Variants in CLOCK observed in about 807,000 individuals in gnomAD.
CLOCK encodes the protein clock circadian regulator.
A neutral mutation model predicts 118.4 loss-of-function variants in CLOCK; 43 were observed. That is an observed-to-expected ratio of 0.36 (90% confidence interval 0.28 to 0.47). The LOEUF is 0.47. CLOCK is among the 20% of genes least tolerant of loss of function. CLOCK has a pLI of 1.00. For synonymous variants in CLOCK, 326 were observed against 339.2 expected, an observed-to-expected ratio of 0.96 and a Z score of 0.43; for missense variants, 846 against 999.9, an observed-to-expected ratio of 0.85 and a Z score of 2.08.
chr4:55,432,974 G>C lies in CLOCK; in HGVS notation c.*2441C>G, dbSNP rs763726138. 7.2e-5 allele frequency: 11 copies of C among 152,566 alleles called. No individual in the cohort carries two copies. The highest frequency in any genetic ancestry group is 1.3e-4 in the Non-Finnish European group (9 of 68,026). 9.5% of individuals were successfully genotyped at this position (152,566 alleles called of 1,614,324 possible). A position where few individuals can be genotyped will look rare whatever the true frequency, so the allele number is the denominator to read the frequency against. On this transcript the variant is annotated 3_prime_UTR_variant, in exon 23 of 23. Transcript: ENST00000513440. The stretch of plus-strand genomic sequence containing the variant: ...GCTGTCAACCTAAGTAGTACTCACA[G>C]TTCACCATCTTTTAAGTGTGGTATG...
Position 55,482,830 on chromosome 4 carries a change from T to G in CLOCK, c.-43-2A>C. 1.4e-6 allele frequency: 2 copies of G among 1,420,142 alleles called. No homozygotes were observed. Among genetic ancestry groups the G allele is most frequent in the Non-Finnish European group, 2.0e-6 (2 of 1,017,074 alleles). 88.0% of individuals were successfully genotyped at this position (1,420,142 alleles called of 1,614,324 possible). ...TTGTAGTAGACATTTGTACTTCTCC[T>G]TAGGTGAAAAGAAAAATAAATGGTC... On this transcript the variant is annotated splice_acceptor_variant, in intron 3 of 22. Coordinates refer to ENST00000513440, the MANE Select transcript of CLOCK (RefSeq NM_004898.4). LOFTEE classifies it low-confidence loss of function (5UTR_SPLICE).
At chr4:55,498,604 T>TTAC (rs1728238468) in intron 2 of CLOCK, among the ~76,000 whole-genome samples, 1 of 13,182 alleles carries the variant, frequency 7.6e-5, no homozygotes, top group African/African-American at 6.5e-4. Context: ...ATCTAGTTCC[T>TTAC]TATTATTATT....
intron 3 of CLOCK, 64 bp from the exon 4 acceptor site, chr4:55,482,892 C>T: frequency 1.3e-6 from 1 of 747,350 alleles, no homozygotes; most frequent in Non-Finnish European, 2.3e-6. Context: ...ACAAACTTAT[C>T]TTGAGAAATA....
chr4:55,475,426 A>C (rs892452544), intron 7 of CLOCK, among the ~76,000 whole-genome samples: 28 of 152,338 alleles, frequency 1.8e-4, no homozygotes, highest in African/African-American at 6.3e-4. Flanking sequence ...TATTACATAA[A>C]TTTAGTTGAT....
chr4:55,515,528 C>A (rs1488246806), intron 1 of CLOCK, among the ~76,000 whole-genome samples: 1 of 152,118 alleles, frequency 6.6e-6, no homozygotes, highest in South Asian at 2.1e-4. Flanking sequence ...GCGCCTGACA[C>A]CATGCCTGGT....
chr4:55,528,927 C>G (rs992046415), intron 1 of CLOCK, among the ~76,000 whole-genome samples: 4 of 152,176 alleles, frequency 2.6e-5, no homozygotes, highest in Non-Finnish European at 5.9e-5. Context: ...TTGCCCTAAA[C>G]CTAACTTGCC....
chr4:55,525,834 A>G (rs1403449473), intron 1 of CLOCK, among the ~76,000 whole-genome samples: 1 of 150,612 alleles, frequency 6.6e-6, no homozygotes, highest in Non-Finnish European at 1.5e-5. Context: ...AGAAAAAATG[A>G]GTCAAGAAAT....
At chr4:55,486,082 A>G (rs746643385) in intron 3 of CLOCK, among the ~76,000 whole-genome samples, 2 of 152,120 alleles carry the variant, frequency 1.3e-5, no homozygotes, top group Non-Finnish European at 2.9e-5. Context: ...CAATTTCTCA[A>G]TATCATAATT....
At chr4:55,462,571 G>A (rs1017303062) in intron 9 of CLOCK, among the ~76,000 whole-genome samples, 4 of 152,098 alleles carry the variant, frequency 2.6e-5, no homozygotes, top group Non-Finnish European at 5.9e-5. Flanking sequence ...GAGCTACCGG[G>A]CCTGGCTGGC....
chr4:55,543,375 T>C (rs535290434), intron 1 of CLOCK, among the ~76,000 whole-genome samples: 6 of 152,126 alleles, frequency 3.9e-5, no homozygotes, highest in Non-Finnish European at 7.4e-5. Flanking sequence ...ACAGAGCCCA[T>C]ACTGGAGGCA....
intron 1 of CLOCK, among the ~76,000 whole-genome samples, chr4:55,538,508 G>A (rs1316826619): frequency 6.6e-6 from 1 of 152,118 alleles, no homozygotes; most frequent in African/African-American, 2.4e-5. Context: ...ATACTGGAAG[G>A]CAGGTCGATA....
At chr4:55,438,952 T>C (rs1470886704) in intron 21 of CLOCK, among the ~76,000 whole-genome samples, 2 of 152,180 alleles carry the variant, frequency 1.3e-5, no homozygotes, top group Non-Finnish European at 2.9e-5. Context: ...TTAGCAATAA[T>C]TTCTTGGATA....
chr4:55,484,367 T>C (rs75099671), intron 3 of CLOCK, among the ~76,000 whole-genome samples: 2,567 of 151,954 alleles, frequency 0.017, 71 homozygotes, highest in African/African-American at 0.058. Context: ...TAAGAGTTCT[T>C]AAAAGAAAAT....
At chr4:55,494,639 C>T (rs1296338477) in intron 2 of CLOCK, among the ~76,000 whole-genome samples, 1 of 151,938 alleles carries the variant, frequency 6.6e-6, no homozygotes, top group Non-Finnish European at 1.5e-5. Context: ...GATGGGTGCA[C>T]CAAAATCTCA....
At position 55,433,146 on chromosome 4, in the gene CLOCK, G is replaced by C. The variant is rs1464240371; in HGVS notation, c.*2269C>G. 1 of 152,602 alleles carries C rather than the reference G, an allele frequency of 6.6e-6. No homozygotes were observed. The highest frequency in any genetic ancestry group is 6.5e-5 in the Admixed American group (1 of 15,282). 9.5% of individuals were successfully genotyped at this position (152,602 alleles called of 1,614,324 possible). Reference sequence around the variant, plus strand: ...AGAAAGGCAATTTGAAAGGGGAGAAGAACAATGCTATTGCCATATTCCACA... The same window carrying C: ...AGAAAGGCAATTTGAAAGGGGAGAACAACAATGCTATTGCCATATTCCACA... On this transcript the variant is annotated 3_prime_UTR_variant, in exon 23 of 23. Coordinates refer to ENST00000513440, the MANE Select transcript of CLOCK (RefSeq NM_004898.4).
At chr4:55,505,542 T>C (rs544466333) in intron 2 of CLOCK, among the ~76,000 whole-genome samples, 37 of 152,080 alleles carry the variant, frequency 2.4e-4, no homozygotes, top group South Asian at 1.2e-3. Flanking sequence ...CACGTGCCTA[T>C]GGTCTCAGCT....
At chr4:55,473,041 T>G (rs1192809440) in intron 7 of CLOCK, among the ~76,000 whole-genome samples, 4 of 152,098 alleles carry the variant, frequency 2.6e-5, no homozygotes, top group Admixed American at 2.6e-4. Context: ...CTGACCAACA[T>G]GGTGAAAGCT....
At position 55,542,344 on chromosome 4, in the gene CLOCK, AAATAATAATAATAAT is replaced by A. The variant is rs530927235; in HGVS notation, c.-290+4423_-290+4437del. The stretch of plus-strand genomic sequence containing the variant: ...GGGTGACAGAGAGAGACTCTGTCTC[AAATAATAATAATAAT>A]AATAATAATAATAATAATAATATTA... On this transcript the variant is annotated intron_variant, in intron 1 of 22. Coordinates refer to ENST00000513440, the MANE Select transcript of CLOCK (RefSeq NM_004898.4). Among the ~76,000 whole-genome samples the A allele has an allele frequency of 3.5e-3, 416 of 117,246 alleles. 1 individual carries two copies. Among genetic ancestry groups the A allele is most frequent in the African/African-American group, 9.9e-3 (327 of 33,104 alleles). 76.9% of individuals were successfully genotyped at this position (117,246 alleles called of 152,430 possible). A position where few individuals can be genotyped will look rare whatever the true frequency, so the allele number is the denominator to read the frequency against.
At position 55,529,521 on chromosome 4, in the gene CLOCK, T is replaced by A. The variant is rs141793830; in HGVS notation, c.-290+17261A>T. ...AAAAAATCATAGTTTATTCAGGACA[T>A]AGAAGAAATCTCAAAATAGAACAAA... On this transcript the variant is annotated intron_variant, in intron 1 of 22. Transcript: ENST00000513440. Among the ~76,000 whole-genome samples the A allele has an allele frequency of 8.5e-5, 13 of 152,194 alleles. 1 individual carries two copies. Among genetic ancestry groups the A allele is most frequent in the African/African-American group, 3.1e-4 (13 of 41,528 alleles).
Sources: allele counts gnomAD v4.1 joint callset (sites outside exome capture counted in the v4.1 genomes callset), GRCh38; gene constraint gnomAD v4.1.1; transcripts MANE v1.5; gene names NCBI Gene and HGNC (gene_info 2026-07-23, HGNC 2026-07-21).